HECW1: variants seen among roughly 807,000 people sequenced by gnomAD.
The protein encoded by HECW1 is HECT, C2 and WW domain containing E3 ubiquitin protein ligase 1, also known as E3 ubiquitin-protein ligase HECW1.
A neutral mutation model predicts 182.3 loss-of-function variants in HECW1; 61 were observed. The ratio of observed to expected loss-of-function variants is 0.33; its 90% CI spans 0.27 to 0.41. The LOEUF (loss-of-function observed/expected upper bound fraction) is 0.41. Ranked by LOEUF, HECW1 falls within the 10% of genes least tolerant of loss-of-function variation. The pLI, the probability that HECW1 is intolerant of heterozygous loss-of-function variation, is 1.00. For synonymous variants in HECW1, 859 were observed against 832.6 expected, an observed-to-expected ratio of 1.03 and a Z score of -0.55; for missense variants, 1,739 against 2,108.9, an observed-to-expected ratio of 0.82 and a Z score of 3.44.
chr7:43,196,443 C>G (rs958391345), intron 2 of HECW1, among the ~76,000 whole-genome samples: 7 of 152,122 alleles, frequency 4.6e-5, no homozygotes, highest in African/African-American at 7.2e-5. Context: ...TTCAATTGTT[C>G]CGTTTTGCAT....
intron 2 of HECW1, among the ~76,000 whole-genome samples, chr7:43,216,874 C>T (rs35866398): frequency 0.24 from 35,993 of 151,948 alleles, 4,609 homozygotes; most frequent in Non-Finnish European, 0.28. Flanking sequence ...AGGCTGGCCT[C>T]GAACCCCTGG....
At chr7:43,161,953 G>A (rs10277619) in intron 2 of HECW1, among the ~76,000 whole-genome samples, 56,137 of 151,854 alleles carry the variant, frequency 0.37, 11,267 homozygotes, top group Non-Finnish European at 0.45. Flanking sequence ...GCCTTTCACC[G>A]CCCACTATTG....
At position 43,444,973 on chromosome 7, in the gene HECW1, A is replaced by G. The variant is rs778692260; in HGVS notation, c.1801A>G (p.Ser601Gly). ...LKDSSEKDGL[S>G]EVDTVAADPS... ...GGACTCCTCGGAGAAGGATGGGCTCAGCGAGGTGGACACGGTGGCCGCTGA... is the reference window on the plus strand; with the variant it reads ...GGACTCCTCGGAGAAGGATGGGCTCGGCGAGGTGGACACGGTGGCCGCTGA... The change falls in exon 11 of 30, where the codon AGC becomes GGC. Residue 601 changes from serine (S) to glycine (G), a missense_variant. By Grantham distance (56) the Ser-to-Gly change is moderately conservative (BLOSUM62 0). Coordinates refer to ENST00000395891, the MANE Select transcript of HECW1 (RefSeq NM_015052.5). This position sits in a 1 kb window ranked among gnomAD's most constrained non-coding sequence, Gnocchi z 4.3. The G allele has an allele frequency of 3.2e-6, 5 of 1,564,174 alleles. No individual in the cohort carries two copies. The highest frequency in any genetic ancestry group is 1.8e-5 in the Admixed American group (1 of 55,420).
chr7:43,317,388 C>T (rs78405814), intron 4 of HECW1, among the ~76,000 whole-genome samples: 1,819 of 152,338 alleles, frequency 0.012, 39 homozygotes, highest in African/African-American at 0.04. Context: ...GGTCCCAGGG[C>T]AGCCCTTGCG....
At chr7:43,550,652 A>G (rs2152958870) in intron 27 of HECW1, 61 bp downstream of exon 27, 1 of 1,501,684 alleles carries the variant, frequency 6.7e-7, no homozygotes, top group South Asian at 1.2e-5. Flanking sequence ...ACGGGGCCTC[A>G]TCCTCCAGGC....
chr7:43,274,245 A>G (rs1214537055), intron 3 of HECW1: 2 of 716,120 alleles, frequency 2.8e-6, no homozygotes, highest in East Asian at 2.7e-5. Flanking sequence ...CCTCTACTGC[A>G]TGCGAATCTT....
At chr7:43,322,642 G>A (rs1810275963) in intron 5 of HECW1, among the ~76,000 whole-genome samples, 1 of 152,280 alleles carries the variant, frequency 6.6e-6, no homozygotes, top group South Asian at 2.1e-4. Context: ...TTCAGCATAG[G>A]AAATATGGGC....
At chr7:43,184,020 A>T (rs190694012) in intron 2 of HECW1, among the ~76,000 whole-genome samples, 4,167 of 149,892 alleles carry the variant, frequency 0.028, 123 homozygotes, top group Admixed American at 0.085. Context: ...TATTATTATT[A>T]TTTTTTTTTT....
intron 7 of HECW1, 140 bp downstream of exon 7, chr7:43,397,029 G>T (rs371245834): frequency 4.2e-5 from 28 of 670,202 alleles, no homozygotes; most frequent in Middle Eastern, 4.1e-4. Flanking sequence ...AAGCAAAAAT[G>T]TTTTTTAAAT....
intron 5 of HECW1, among the ~76,000 whole-genome samples, chr7:43,358,276 C>T (rs767630628): frequency 1.3e-5 from 2 of 152,104 alleles, no homozygotes; most frequent in African/African-American, 4.8e-5. Flanking sequence ...TTCCCTGATC[C>T]CTGACTTATG....
chr7:43,486,078 A>C (rs925159686), intron 17 of HECW1, among the ~76,000 whole-genome samples: 26 of 150,672 alleles, frequency 1.7e-4, no homozygotes, highest in African/African-American at 6.1e-4. Context: ...CTCATTGTTC[A>C]ACTCCCACTT....
chr7:43,209,358 G>A (rs749563249), intron 2 of HECW1, among the ~76,000 whole-genome samples: 1 of 152,120 alleles, frequency 6.6e-6, no homozygotes, highest in Non-Finnish European at 1.5e-5. Flanking sequence ...CAGGGCCTGC[G>A]GGTGTGTGAC....
At chr7:43,129,806 C>CGATGGTGT (rs528684747) in intron 2 of HECW1, among the ~76,000 whole-genome samples, 11 of 152,006 alleles carry the variant, frequency 7.2e-5, no homozygotes, top group Non-Finnish European at 1.5e-4. Context: ...CGCTGGTATA[C>CGATGGTGT]GATGGTGTGG....
intron 6 of HECW1, among the ~76,000 whole-genome samples, chr7:43,388,222 G>A (rs903672140): frequency 2.0e-5 from 3 of 152,110 alleles, no homozygotes; most frequent in African/African-American, 7.2e-5. Context: ...CACATCCAGG[G>A]AATTCAACAT....
At chr7:43,505,127 C>T (rs1450104441) in intron 21 of HECW1, among the ~76,000 whole-genome samples, 1 of 152,144 alleles carries the variant, frequency 6.6e-6, no homozygotes, top group East Asian at 1.9e-4. Context: ...AGGCTTTTTT[C>T]TCCACTCAAA....
At chr7:43,248,708 C>CTTT (rs1348148259) in intron 3 of HECW1, 1 of 143,204 alleles carries the variant, frequency 7.0e-6, no homozygotes, top group African/African-American at 2.6e-5. Context: ...CCTCCTCCTC[C>CTTT]TCCTCCTCCT....
At chr7:43,457,277 G>C (rs2077433129) in intron 13 of HECW1, among the ~76,000 whole-genome samples, 1 of 152,150 alleles carries the variant, frequency 6.6e-6, no homozygotes, top group Non-Finnish European at 1.5e-5. Flanking sequence ...GCAAACTGAG[G>C]CTTCCTTCAG....
At chr7:43,154,173 A>C (rs2107270) in intron 2 of HECW1, among the ~76,000 whole-genome samples, 111,162 of 152,108 alleles carry the variant, frequency 0.73, 40,913 homozygotes, top group South Asian at 0.87. Flanking sequence ...TCCAAGTAGT[A>C]ATGTGTTTAC....
chr7:43,402,067 T>C lies in HECW1; in HGVS notation c.631+5178T>C, dbSNP rs568940988. ...AGGGGAAGATCATCTTCCCACTCCA[T>C]CCTCTTTCCAGCTCACCACTCATCC... On this transcript the variant is annotated intron_variant, in intron 7 of 29. Coordinates refer to ENST00000395891, the MANE Select transcript of HECW1 (RefSeq NM_015052.5). Among the ~76,000 whole-genome samples the C allele has an allele frequency of 2.6e-5, 4 of 152,110 alleles. No individual in the cohort carries two copies. In the South Asian group the frequency reaches 8.3e-4, roughly 32 times the overall value.
Sources: allele counts gnomAD v4.1 joint callset (sites outside exome capture counted in the v4.1 genomes callset), GRCh38; gene constraint gnomAD v4.1.1; non-coding constraint Gnocchi (gnomAD v3.1); transcripts MANE v1.5; gene names NCBI Gene and HGNC (gene_info 2026-07-23, HGNC 2026-07-21).